Variants in TACC2 observed in about 807,000 individuals in gnomAD.
The protein encoded by TACC2 is transforming acidic coiled-coil-containing protein 2.
A neutral mutation model predicts 227.3 loss-of-function variants in TACC2; 137 were observed. That is an observed-to-expected ratio of 0.60 (90% CI 0.52 to 0.69). The LOEUF is 0.69. TACC2 is among the 30% of genes least tolerant of loss of function. The pLI is 0.00. For synonymous variants in TACC2, 1,523 were observed against 1,487.5 expected, an observed-to-expected ratio of 1.02 and a Z score of -0.55; for missense variants, 3,470 against 3,694.4, an observed-to-expected ratio of 0.94 and a Z score of 1.57.
chr10:122,217,060 C>T, intron 11 of TACC2: 1 of 762,060 alleles, frequency 1.3e-6, no homozygotes, highest in Non-Finnish European at 2.0e-6. Flanking sequence ...CAGCACGGTG[C>T]CCTCTAACTC....
chr10:122,082,854 G>A lies in TACC2; in HGVS notation c.354G>A (p.Pro118=), dbSNP rs139828953. Residue 118 remains proline (P), a synonymous_variant, in exon 4 of 23, where the codon CCG becomes CCA. Transcript: ENST00000369005. ...SSSMPFAECP[P]EGCLASPAAA... is the part of the protein sequence containing the mutation. ...CCATGCCCTTTGCCGAGTGTCCCCC[G>A]GAAGGTTGCTTGGCAAGTCCAGCAG... 8.7e-6 allele frequency: 14 copies of A among 1,613,376 alleles called. No homozygotes were observed. The highest frequency in any genetic ancestry group is 5.5e-5 in the South Asian group (5 of 91,078).
intron 1 of TACC2, among the ~76,000 whole-genome samples, chr10:122,017,446 C>T (rs927612728): frequency 6.7e-6 from 1 of 148,586 alleles, no homozygotes; most frequent in Non-Finnish European, 1.5e-5. Context: ...TGTGTTTTGC[C>T]GCCTGTTGAA....
Position 122,237,484 on chromosome 10 carries a change from C to T in TACC2, c.8217C>T (p.Gly2739=), listed in dbSNP as rs536628094. ...CCGCTGAGGTGGAGAAACCTGCAGG[C>T]CTTCTGTTCCAGCAGCCCGACCTGG... ...IGTAEVEKPA[G]LLFQQPDLDS... is the part of the protein sequence containing the mutation. The change falls in exon 17 of 23, where the codon GGC becomes GGT. Residue 2739 remains glycine, a synonymous_variant. Coordinates refer to ENST00000369005, the MANE Select transcript of TACC2 (RefSeq NM_206862.4). 6.2e-7 allele frequency: 1 copy of T among 1,614,140 alleles called. No homozygotes were observed. The highest frequency in any genetic ancestry group is 8.5e-7 in the Non-Finnish European group (1 of 1,180,008).
intron 5 of TACC2, among the ~76,000 whole-genome samples, chr10:122,106,962 G>A (rs988924051): frequency 6.6e-6 from 1 of 152,180 alleles, no homozygotes; most frequent in Admixed American, 6.5e-5. Context: ...CTGCGCCCTC[G>A]CATGACAATG....
At chr10:122,175,744 C>A (rs754686721) in intron 7 of TACC2, among the ~76,000 whole-genome samples, 7 of 152,128 alleles carry the variant, frequency 4.6e-5, no homozygotes, top group Non-Finnish European at 1.0e-4. Flanking sequence ...TTCTCACTAT[C>A]CAGAGATAAT....
At chr10:122,201,415 A>G (rs2094846433) in intron 8 of TACC2, among the ~76,000 whole-genome samples, 1 of 151,566 alleles carries the variant, frequency 6.6e-6, no homozygotes, top group Non-Finnish European at 1.5e-5. Context: ...CACAGTGGCC[A>G]CATCTACACT....
intron 3 of TACC2, among the ~76,000 whole-genome samples, chr10:122,059,062 TGTTGTTGTTG>T (rs1169586752): frequency 1.2e-5 from 1 of 86,920 alleles, no homozygotes; most frequent in Non-Finnish European, 2.4e-5. Flanking sequence ...CTGGCTAATT[TGTTGTTGTTG>T]TTGTTGTTGT....
At chr10:122,215,518 C>A in intron 10 of TACC2, 67 bp downstream of exon 10, 2 of 1,345,976 alleles carry the variant, frequency 1.5e-6, no homozygotes, top group East Asian at 2.3e-5. Context: ...CGCTTGTTGA[C>A]AAAGCTTTGC....
intron 19 of TACC2, among the ~76,000 whole-genome samples, chr10:122,243,539 C>T (rs1268989792): frequency 1.3e-5 from 2 of 152,118 alleles, no homozygotes; most frequent in Non-Finnish European, 2.9e-5. Flanking sequence ...TGTTTAGCCT[C>T]ATGGTGCATG....
chr10:122,074,163 C>T (rs1390123037), intron 3 of TACC2, among the ~76,000 whole-genome samples: 1 of 150,806 alleles, frequency 6.6e-6, no homozygotes, highest in Admixed American at 6.7e-5. Flanking sequence ...TCACAGCAAC[C>T]TCTGCCTCCC....
chr10:122,025,556 C>A (rs150746050), intron 2 of TACC2, among the ~76,000 whole-genome samples: 1 of 147,294 alleles, frequency 6.8e-6, no homozygotes, highest in Non-Finnish European at 1.5e-5. Context: ...CCACTGCACC[C>A]GGCCTATTAT....
intron 2 of TACC2, among the ~76,000 whole-genome samples, chr10:122,042,925 A>G (rs1184093907): frequency 6.6e-6 from 1 of 152,204 alleles, no homozygotes; most frequent in Admixed American, 6.5e-5. Flanking sequence ...AATCAAGTAA[A>G]CATCACAGCA....
rs1239288564 is a variant in TACC2, at chr10:122,194,733, CTAA to C, written c.5835-302_5835-300del. Among the ~76,000 whole-genome samples the C allele has an allele frequency of 6.6e-6, 1 of 152,166 alleles. No individual in the cohort carries two copies. The highest frequency in any genetic ancestry group is 1.5e-5 in the Non-Finnish European group (1 of 68,044). On this transcript the variant is annotated intron_variant, in intron 7 of 22. Transcript: ENST00000369005. The surrounding 1 kb of genome is among the most constrained non-coding windows in gnomAD (Gnocchi z 4.4). ...TCTCTCTCTCTATTTGAATCAATAC[CTAA>C]TAATGAACGCGTGCGGAAGTTCATC...
chr10:122,229,465 A>C lies in TACC2; in HGVS notation c.8016A>C (p.Pro2672=). Residue 2672 remains proline (P), a synonymous_variant, in exon 15 of 23, where the codon CCA becomes CCC. Transcript: ENST00000369005. Reference sequence around the variant, plus strand: ...CCGACTTAGCAGAAAAGAACCCCCCACTATTCGCTCAGAAACTCCAGGTTT... The same window carrying C: ...CCGACTTAGCAGAAAAGAACCCCCCCCTATTCGCTCAGAAACTCCAGGTTT... ...LEPDLAEKNP[P]LFAQKLQEEL... 6.2e-7 allele frequency: 1 copy of C among 1,612,822 alleles called. No homozygotes were observed. The highest frequency in any genetic ancestry group is 8.5e-7 in the Non-Finnish European group (1 of 1,179,612).
At chr10:122,173,385 G>C (rs1169604918) in intron 7 of TACC2, among the ~76,000 whole-genome samples, 1 of 152,256 alleles carries the variant, frequency 6.6e-6, no homozygotes, top group Non-Finnish European at 1.5e-5. Flanking sequence ...TCTGAAAAGA[G>C]AGCGGGGCTC....
chr10:122,074,005 C>A (rs528715348), intron 3 of TACC2, among the ~76,000 whole-genome samples: 191 of 151,724 alleles, frequency 1.3e-3, no homozygotes, highest in Non-Finnish European at 2.4e-3. Context: ...TGGTCTGGAT[C>A]TCCTGACCTT....
At chr10:122,021,629 T>C (rs1329351341) in intron 1 of TACC2, among the ~76,000 whole-genome samples, 2 of 152,092 alleles carry the variant, frequency 1.3e-5, no homozygotes, top group African/African-American at 2.4e-5. Context: ...GGACCCCTTT[T>C]GTCACTCCGT....
chr10:122,036,799 A>T (rs1960558537), intron 2 of TACC2, among the ~76,000 whole-genome samples: 1 of 152,252 alleles, frequency 6.6e-6, no homozygotes, highest in Admixed American at 6.5e-5. Context: ...GTATATACCT[A>T]GAAGTGGAAT....
At chr10:122,144,159 C>T (rs888449761) in intron 7 of TACC2, among the ~76,000 whole-genome samples, 13 of 152,140 alleles carry the variant, frequency 8.5e-5, no homozygotes, top group African/African-American at 2.9e-4. Context: ...GCAGAATTCC[C>T]TTTTCCTTGG....
Sources: gnomAD v4.1 joint callset for allele counts (sites outside exome capture counted in the v4.1 genomes callset) on GRCh38, gnomAD v4.1.1 for gene constraint, Gnocchi (gnomAD v3.1) non-coding constraint, MANE v1.5 for transcripts, NCBI Gene and HGNC (gene_info 2026-07-23, HGNC 2026-07-21) for gene names.